Variants in SLC6A11 observed in about 807,000 individuals in gnomAD.
SLC6A11 encodes the protein sodium- and chloride-dependent GABA transporter 3.
Under a neutral mutation model 74.8 loss-of-function variants are expected in SLC6A11, and 25 were observed. That is an observed-to-expected ratio of 0.33 (90% CI 0.24 to 0.47). SLC6A11 has a LOEUF of 0.47. SLC6A11 is among the 20% of genes least tolerant of loss of function. The pLI is 1.00. For missense variants in SLC6A11, 574 were observed against 837.0 expected, an observed-to-expected ratio of 0.69 and a Z score of 3.88; for synonymous variants, 330 against 330.2, an observed-to-expected ratio of 1.00 and a Z score of 0.01.
intron 6 of SLC6A11, among the ~76,000 whole-genome samples, chr3:10,900,617 G>A (rs1695228385): frequency 6.6e-6 from 1 of 152,216 alleles, no homozygotes; most frequent in Admixed American, 6.5e-5. Context: ...GGCTTCTCCA[G>A]GGCATGGAGC....
chr3:10,886,160 G>C (rs921035630), intron 6 of SLC6A11, among the ~76,000 whole-genome samples: 2 of 152,228 alleles, frequency 1.3e-5, no homozygotes, highest in African/African-American at 4.8e-5. Context: ...CCTGAAAATA[G>C]TGGTTTCCGT....
At chr3:10,903,619 G>T (rs1276222564) in intron 6 of SLC6A11, among the ~76,000 whole-genome samples, 1 of 152,338 alleles carries the variant, frequency 6.6e-6, no homozygotes, top group South Asian at 2.1e-4. Flanking sequence ...TTATGGTGCG[G>T]GGAAGAGGGA....
In SLC6A11 at chr3:10,816,347, T is replaced by G; in HGVS notation, c.82T>G (p.Cys28Gly). Residue 28 changes from cysteine to glycine, a missense_variant, in exon 1 of 14, where the codon TGC becomes GGC. Physicochemically the swap from Cys to Gly is radical, Grantham distance 159 (BLOSUM62 -3). Transcript: ENST00000254488. The surrounding 1 kb of genome is among the most constrained non-coding windows in gnomAD (Gnocchi z 4.2). ...ARESEAPGGGCSSGGAAPARH... is the reference protein window; with the variant it reads ...ARESEAPGGGGSSGGAAPARH... ...GGAGTCCGAGGCGCCGGGTGGCGGCTGCAGCAGCGGGGGCGCGGCGCCCGC... is the reference window on the plus strand; with the variant it reads ...GGAGTCCGAGGCGCCGGGTGGCGGCGGCAGCAGCGGGGGCGCGGCGCCCGC... 1 of 1,442,672 alleles carries G rather than the reference T, an allele frequency of 6.9e-7. No homozygotes were observed. The highest frequency in any genetic ancestry group is 9.1e-7 in the Non-Finnish European group (1 of 1,099,314). 89.4% of individuals were successfully genotyped at this position (1,442,672 alleles called of 1,614,324 possible).
rs1204663557 is a variant in SLC6A11 at position 10,823,706 on chromosome 3, C to T, written c.623+314C>T. The T allele has an allele frequency of 1.1e-5, 3 of 279,824 alleles. No homozygotes were observed. In the East Asian group the frequency reaches 2.2e-4, roughly 20 times the overall value. The allele number at this position is 279,824 out of a possible 1,614,324, so 17.3% of individuals were successfully genotyped here. A position where few individuals can be genotyped will look rare whatever the true frequency, so the allele number is the denominator to read the frequency against. On this transcript the variant is annotated intron_variant, in intron 4 of 13. Transcript: ENST00000254488. Reference sequence around the variant, plus strand: ...ATTTTGAGCAAAAGAGGAGATGCAGCCTGTTTGCAATAAGCTAAGTCAAGA... The same window carrying T: ...ATTTTGAGCAAAAGAGGAGATGCAGTCTGTTTGCAATAAGCTAAGTCAAGA...
At chr3:10,820,116 A>C (rs1014038218) in intron 3 of SLC6A11, among the ~76,000 whole-genome samples, 3 of 152,214 alleles carry the variant, frequency 2.0e-5, no homozygotes, top group Non-Finnish European at 4.4e-5. Flanking sequence ...TGTCAAATGC[A>C]GAGACTGAGC....
At chr3:10,924,203 C>G (rs1189575547) in intron 8 of SLC6A11, among the ~76,000 whole-genome samples, 2 of 152,102 alleles carry the variant, frequency 1.3e-5, no homozygotes, top group African/African-American at 2.4e-5. Flanking sequence ...TGGTATTATA[C>G]CAATATTAAT....
At chr3:10,826,914 G>T (rs1428985505) in intron 4 of SLC6A11, among the ~76,000 whole-genome samples, 1 of 152,206 alleles carries the variant, frequency 6.6e-6, no homozygotes, top group East Asian at 1.9e-4. Flanking sequence ...CAGCTACTTG[G>T]TTACTCAAGA....
At position 10,844,316 on chromosome 3, in the gene SLC6A11, T is replaced by C; in HGVS notation, c.726T>C (p.Cys242=). 3.7e-6 allele frequency: 6 copies of C among 1,614,124 alleles called. No individual in the cohort carries two copies. The highest frequency in any genetic ancestry group is 5.1e-6 in the Non-Finnish European group (6 of 1,180,014). Residue 242 remains cysteine, a synonymous_variant, in exon 5 of 14, where the codon TGT becomes TGC. Transcript: ENST00000254488. ...CAGCCTGGACCATCTGTTACTTCTG[T>C]ATCTGGAAGGGGACCAAGTCTACAG... ...LLAAWTICYF[C]IWKGTKSTGK...
intron 4 of SLC6A11, among the ~76,000 whole-genome samples, chr3:10,826,320 G>A (rs539261809): frequency 6.6e-6 from 1 of 152,196 alleles, no homozygotes; most frequent in Non-Finnish European, 1.5e-5. Context: ...AGACTTCTGG[G>A]CTGGGTGGGC....
At chr3:10,848,824 C>T (rs1356264792) in intron 5 of SLC6A11, among the ~76,000 whole-genome samples, 1 of 152,190 alleles carries the variant, frequency 6.6e-6, no homozygotes, top group African/African-American at 2.4e-5. Flanking sequence ...TGTAGCCTGT[C>T]AGAGTTGGGA....
At chr3:10,931,402 C>A (rs2950806) in intron 10 of SLC6A11, among the ~76,000 whole-genome samples, 1 of 151,532 alleles carries the variant, frequency 6.6e-6, no homozygotes, top group East Asian at 1.9e-4. Flanking sequence ...GAGGTGGGGG[C>A]GGGTCTTAGG....
intron 9 of SLC6A11, among the ~76,000 whole-genome samples, chr3:10,927,374 C>T (rs1226562107): frequency 6.6e-6 from 1 of 152,190 alleles, no homozygotes; most frequent in African/African-American, 2.4e-5. Context: ...CAAAAAGTGG[C>T]GGCCACTCTG....
Position 10,926,084 on chromosome 3 carries a change from A to G in SLC6A11, c.1201A>G (p.Met401Val), listed in dbSNP as rs777948757. 6.2e-7 allele frequency: 1 copy of G among 1,613,200 alleles called. No individual in the cohort carries two copies. Among genetic ancestry groups the G allele is most frequent in the East Asian group, 2.2e-5 (1 of 44,840 alleles). ...CCCGCTGTGGGCCACCTTGTTCTTCATGATGCTCATCTTCCTGGGCCTGGA... is the reference window on the plus strand; with the variant it reads ...CCCGCTGTGGGCCACCTTGTTCTTCGTGATGCTCATCTTCCTGGGCCTGGA... ...LSPLWATLFF[M>V]MLIFLGLDSQ... Residue 401 changes from methionine to valine, a missense_variant, in exon 9 of 14, where the codon ATG becomes GTG. Met to Val is a conservative substitution (Grantham distance 21, BLOSUM62 1). Transcript: ENST00000254488. The surrounding 1 kb of genome is among the most constrained non-coding windows in gnomAD (Gnocchi z 5.7).
chr3:10,885,655 C>CT, intron 6 of SLC6A11, among the ~76,000 whole-genome samples: 1 of 151,896 alleles, frequency 6.6e-6, no homozygotes, highest in African/African-American at 2.4e-5. Context: ...TTGAGATACC[C>CT]TGCCCTAGGA....
chr3:10,911,345 G>C (rs2106625418), intron 6 of SLC6A11, among the ~76,000 whole-genome samples: 1 of 152,314 alleles, frequency 6.6e-6, no homozygotes, highest in Non-Finnish European at 1.5e-5. Flanking sequence ...GGGAGCCCGG[G>C]GAAAGTGTTC....
chr3:10,879,131 A>T (rs1279868895), intron 6 of SLC6A11, among the ~76,000 whole-genome samples: 3 of 152,164 alleles, frequency 2.0e-5, no homozygotes, highest in African/African-American at 7.2e-5. Flanking sequence ...TTCATTTTTC[A>T]CAAGAAGGTT....
At position 10,938,546 on chromosome 3, in the gene SLC6A11, T is replaced by G; in HGVS notation, c.*144T>G. The G allele has an allele frequency of 1.5e-5, 11 of 747,122 alleles. No individual in the cohort carries two copies. Among genetic ancestry groups the G allele is most frequent in the Non-Finnish European group, 2.3e-5 (11 of 481,118 alleles). The allele number at this position is 747,122 out of a possible 1,614,324, so 46.3% of individuals were successfully genotyped here. On this transcript the variant is annotated 3_prime_UTR_variant, in exon 14 of 14. Transcript: ENST00000254488. ...AACAAGTTAATTTTAAGGTGGCCACTGTACACTGCTCTAAAGTCATATCCC... is the reference window on the plus strand; with the variant it reads ...AACAAGTTAATTTTAAGGTGGCCACGGTACACTGCTCTAAAGTCATATCCC...
intron 5 of SLC6A11, among the ~76,000 whole-genome samples, chr3:10,866,314 C>T (rs1217919068): frequency 6.6e-6 from 1 of 152,188 alleles, no homozygotes; most frequent in Non-Finnish European, 1.5e-5. Flanking sequence ...ATGGCCACGC[C>T]CACCTACAGA....
At chr3:10,850,705 AGCGGCGGGGGTCAGGC>A (rs1381591998) in intron 5 of SLC6A11, among the ~76,000 whole-genome samples, 1 of 152,158 alleles carries the variant, frequency 6.6e-6, no homozygotes, top group Non-Finnish European at 1.5e-5. Flanking sequence ...TCAGAAGGGA[AGCGGCGGGGGTCAGGC>A]GTCATCGAAT....
Sources: allele counts gnomAD v4.1 joint callset (sites outside exome capture counted in the v4.1 genomes callset), GRCh38; gene constraint gnomAD v4.1.1; non-coding constraint Gnocchi (gnomAD v3.1); transcripts MANE v1.5; gene names NCBI Gene and HGNC (gene_info 2026-07-23, HGNC 2026-07-21).